The following MAGI2 variants were observed in gnomAD, a reference collection of about 807,000 sequenced individuals.
MAGI2 encodes membrane associated guanylate kinase, WW and PDZ domain containing 2.
MAGI2 carries 35 observed loss-of-function variants against 133.3 expected under a neutral mutation model. The ratio of observed to expected loss-of-function variants is 0.26; its 90% CI spans 0.20 to 0.35. The LOEUF (loss-of-function observed/expected upper bound fraction) is 0.35. MAGI2 is among the 10% of genes least tolerant of loss of function. MAGI2 has a pLI of 1.00. For synonymous variants in MAGI2, 729 were observed against 710.6 expected, an observed-to-expected ratio of 1.03 and a Z score of -0.41; for missense variants, 1,636 against 1,863.4, an observed-to-expected ratio of 0.88 and a Z score of 2.25.
At chr7:78,157,216 G>C (rs1015660828) in intron 16 of MAGI2, among the ~76,000 whole-genome samples, 3 of 152,088 alleles carry the variant, frequency 2.0e-5, no homozygotes. Flanking sequence ...CACAGAGCAC[G>C]GGGCAACTTG....
At chr7:78,472,207 G>A (rs1413019527) in intron 6 of MAGI2, among the ~76,000 whole-genome samples, 1 of 152,066 alleles carries the variant, frequency 6.6e-6, no homozygotes, top group East Asian at 1.9e-4. Flanking sequence ...TTGCTGTCAT[G>A]TAAAACTTTA....
At chr7:78,854,070 C>T (rs1793415185) in intron 2 of MAGI2, among the ~76,000 whole-genome samples, 1 of 151,914 alleles carries the variant, frequency 6.6e-6, no homozygotes, top group Non-Finnish European at 1.5e-5. Flanking sequence ...TTCTGGGGAT[C>T]AACTGTCAGA....
At chr7:79,391,508 CATATAT>C (rs1286692402) in intron 1 of MAGI2, among the ~76,000 whole-genome samples, 3,537 of 69,034 alleles carry the variant, frequency 0.051, 96 homozygotes, top group African/African-American at 0.14. Flanking sequence ...TATATATAGA[CATATAT>C]ATATATATAT....
chr7:78,207,351 T>C (rs1787205289), intron 10 of MAGI2, among the ~76,000 whole-genome samples: 1 of 152,098 alleles, frequency 6.6e-6, no homozygotes, highest in African/African-American at 2.4e-5. Flanking sequence ...TTTAAAAGTT[T>C]CCCAAAGAGG....
intron 6 of MAGI2, among the ~76,000 whole-genome samples, chr7:78,385,453 A>T (rs1795294847): frequency 6.6e-6 from 1 of 152,164 alleles, no homozygotes; most frequent in Non-Finnish European, 1.5e-5. Flanking sequence ...TTTTCCCTTG[A>T]CATGAAAGGA....
chr7:78,544,304 C>A (rs1798639416), intron 3 of MAGI2, among the ~76,000 whole-genome samples: 1 of 152,172 alleles, frequency 6.6e-6, no homozygotes, highest in Non-Finnish European at 1.5e-5. Context: ...ATCCTTCATG[C>A]CCTAAGGTGG....
intron 2 of MAGI2, among the ~76,000 whole-genome samples, chr7:78,798,771 G>C (rs1246522650): frequency 1.3e-5 from 2 of 152,160 alleles, no homozygotes; most frequent in Admixed American, 6.5e-5. Context: ...CAAGTAGAGA[G>C]CTCTGCAAAC....
intron 7 of MAGI2, among the ~76,000 whole-genome samples, chr7:78,367,433 G>A (rs1450229198): frequency 1.3e-5 from 2 of 152,204 alleles, no homozygotes; most frequent in Non-Finnish European, 2.9e-5. Flanking sequence ...AGCAAACTAC[G>A]ACCTGCAGGC....
chr7:79,156,690 A>G (rs573605027), intron 1 of MAGI2, among the ~76,000 whole-genome samples: 2 of 152,272 alleles, frequency 1.3e-5, no homozygotes, highest in East Asian at 3.9e-4. Flanking sequence ...CCTAAAATGT[A>G]TAAAACCAAG....
intron 10 of MAGI2, among the ~76,000 whole-genome samples, chr7:78,208,691 CA>C (rs1273882389): frequency 2.0e-4 from 4 of 19,858 alleles, no homozygotes; most frequent in Non-Finnish European, 3.0e-4. Context: ...GAATGTATAG[CA>C]TTTTTTTTTT....
intron 1 of MAGI2, among the ~76,000 whole-genome samples, chr7:79,056,814 A>G (rs1026505380): frequency 2.6e-5 from 4 of 152,220 alleles, no homozygotes; most frequent in Admixed American, 1.3e-4. Context: ...CATTCACTAA[A>G]ATACTGCATG....
chr7:78,128,329 C>T (rs2868894), intron 18 of MAGI2, among the ~76,000 whole-genome samples: 130,104 of 151,924 alleles, frequency 0.86, 56,097 homozygotes, highest in African/African-American at 0.91. Context: ...AAAATTGTCA[C>T]CATGGTATGG....
At chr7:78,566,191 T>C (rs1349551989) in intron 3 of MAGI2, among the ~76,000 whole-genome samples, 2 of 151,872 alleles carry the variant, frequency 1.3e-5, no homozygotes, top group South Asian at 2.1e-4. Context: ...AGGCATGGAG[T>C]TGGGAAAGCT....
intron 9 of MAGI2, among the ~76,000 whole-genome samples, chr7:78,293,823 A>G (rs928228509): frequency 6.6e-6 from 1 of 152,174 alleles, no homozygotes; most frequent in Non-Finnish European, 1.5e-5. Context: ...TTCTGAGCAA[A>G]CTATTGCAAG....
intron 3 of MAGI2, among the ~76,000 whole-genome samples, chr7:78,573,554 G>A (rs1020290703): frequency 5.4e-5 from 8 of 146,884 alleles, no homozygotes; most frequent in East Asian, 2.1e-4. Flanking sequence ...TAAATGGGCC[G>A]GAGTAACACA....
chr7:78,977,148 A>C (rs147915637), intron 2 of MAGI2, among the ~76,000 whole-genome samples: 2,430 of 151,850 alleles, frequency 0.016, 56 homozygotes, highest in African/African-American at 0.056. Context: ...ATAATGAAGA[A>C]GGACAAAGTT....
At chr7:78,749,562 G>C (rs1318657744) in intron 2 of MAGI2, among the ~76,000 whole-genome samples, 1 of 152,136 alleles carries the variant, frequency 6.6e-6, no homozygotes, top group East Asian at 1.9e-4. Flanking sequence ...GAGAAAGAAA[G>C]CCCAAAGATC....
intron 1 of MAGI2, among the ~76,000 whole-genome samples, chr7:79,068,106 G>A (rs764343054): frequency 6.6e-6 from 1 of 152,146 alleles, no homozygotes; most frequent in Non-Finnish European, 1.5e-5. Context: ...GTATCAGGAT[G>A]ATGCTGGCCT....
intron 1 of MAGI2, among the ~76,000 whole-genome samples, chr7:79,174,296 A>G (rs1251603703): frequency 2.0e-5 from 3 of 152,124 alleles, no homozygotes; most frequent in Non-Finnish European, 2.9e-5. Context: ...AATATAGATG[A>G]GTATTTTTTA....
Sources: allele counts gnomAD v4.1 joint callset (sites outside exome capture counted in the v4.1 genomes callset), GRCh38; gene constraint gnomAD v4.1.1; transcripts MANE v1.5; gene names NCBI Gene and HGNC (gene_info 2026-07-23, HGNC 2026-07-21).